Variants in NRG3 observed in about 807,000 individuals in gnomAD.
NRG3 encodes the protein neuregulin 3.
Under a neutral mutation model 66.9 loss-of-function variants are expected in NRG3, and 31 were observed. That is an observed-to-expected ratio of 0.46 (90% CI 0.35 to 0.63). NRG3 has a LOEUF of 0.63. Ranked by LOEUF, NRG3 falls within the 20% of genes least tolerant of loss-of-function variation. The pLI is 0.00. For synonymous variants in NRG3, 393 were observed against 359.4 expected (o/e 1.09, Z -1.06); for missense variants, 910 against 878.9 (o/e 1.04, Z -0.45).
At chr10:82,899,776 G>A (rs1186081702) in intron 4 of NRG3, among the ~76,000 whole-genome samples, 1 of 152,140 alleles carries the variant, frequency 6.6e-6, no homozygotes, top group Admixed American at 6.5e-5. Flanking sequence ...ATTTAAATCA[G>A]ACAAACTGGA....
At chr10:82,509,119 C>T (rs994965692) in intron 2 of NRG3, among the ~76,000 whole-genome samples, 1 of 152,068 alleles carries the variant, frequency 6.6e-6, no homozygotes, top group African/African-American at 2.4e-5. Context: ...TCTCCATATC[C>T]CCCAAACTCC....
chr10:82,969,983 C>CT (rs1465653267), intron 6 of NRG3, among the ~76,000 whole-genome samples: 1 of 152,034 alleles, frequency 6.6e-6, no homozygotes, highest in East Asian at 1.9e-4. Flanking sequence ...TATGCATACG[C>CT]TTTTGCGCCT....
intron 2 of NRG3, among the ~76,000 whole-genome samples, chr10:82,421,482 A>C (rs1410257859): frequency 1.3e-5 from 2 of 152,012 alleles, no homozygotes; most frequent in Non-Finnish European, 2.9e-5. Flanking sequence ...AAAATTATTA[A>C]AGACTTTGCA....
intron 1 of NRG3, among the ~76,000 whole-genome samples, chr10:82,206,924 A>G (rs1293758113): frequency 2.0e-5 from 3 of 152,178 alleles, no homozygotes; most frequent in East Asian, 1.9e-4. Context: ...TCTTACTTCT[A>G]TGGTACAGAC....
intron 1 of NRG3, among the ~76,000 whole-genome samples, chr10:82,048,567 A>T (rs4405254): frequency 0.63 from 92,499 of 146,932 alleles, 30,531 homozygotes; most frequent in South Asian, 0.87. Context: ...CGAAGACACA[A>T]CATACCAGAA....
intron 1 of NRG3, among the ~76,000 whole-genome samples, chr10:82,020,018 A>G (rs1316801255): frequency 6.6e-6 from 1 of 151,832 alleles, no homozygotes; most frequent in Non-Finnish European, 1.5e-5. Context: ...TAGTTCTTTT[A>G]ATTGTGATGT....
At chr10:82,510,861 A>G (rs1845104892) in intron 2 of NRG3, among the ~76,000 whole-genome samples, 1 of 152,166 alleles carries the variant, frequency 6.6e-6, no homozygotes, top group East Asian at 1.9e-4. Flanking sequence ...AAGAACAGAA[A>G]ATAAATAAAG....
chr10:81,911,763 A>T (rs1845193447), intron 1 of NRG3, among the ~76,000 whole-genome samples: 1 of 151,268 alleles, frequency 6.6e-6, no homozygotes, highest in South Asian at 2.1e-4. Context: ...CCCGAAACCA[A>T]CCACAACAGC....
chr10:82,559,315 G>C (rs2044867756), intron 2 of NRG3, among the ~76,000 whole-genome samples: 1 of 152,138 alleles, frequency 6.6e-6, no homozygotes. Context: ...GGGAAGGAAG[G>C]AGAAGTTGAG....
chr10:82,746,366 G>A lies in NRG3; in HGVS notation c.1027+7716G>A, dbSNP rs560148478. 1.4e-4 allele frequency among the ~76,000 whole-genome samples: 22 copies of A among 152,276 alleles called. No homozygotes were observed. In the South Asian group the frequency reaches 4.2e-3, roughly 29 times the overall value. On this transcript the variant is annotated intron_variant, in intron 3 of 8. Transcript: ENST00000372141. ...CCACTCTACCCACTCTACCCGGGAA[G>A]AGGATTGTTCTTCTGTCCTCCCAGG...
intron 2 of NRG3, among the ~76,000 whole-genome samples, chr10:82,559,644 C>T (rs1245598285): frequency 2.0e-5 from 3 of 152,194 alleles, no homozygotes; most frequent in African/African-American, 7.2e-5. Flanking sequence ...ATGTAGCTTC[C>T]TTCATATTTG....
chr10:82,721,486 G>T (rs562283169), intron 2 of NRG3, among the ~76,000 whole-genome samples: 1 of 151,686 alleles, frequency 6.6e-6, no homozygotes, highest in African/African-American at 2.4e-5. Context: ...GCAATGGCAC[G>T]ATCTTGGCTC....
chr10:82,349,343 C>T (rs1005905885), intron 1 of NRG3, among the ~76,000 whole-genome samples: 2 of 151,844 alleles, frequency 1.3e-5, no homozygotes, highest in South Asian at 2.1e-4. Flanking sequence ...GTCAGTGTGC[C>T]CCTGCTGGGG....
At chr10:82,408,554 T>C (rs1191207607) in intron 2 of NRG3, among the ~76,000 whole-genome samples, 1 of 151,386 alleles carries the variant, frequency 6.6e-6, no homozygotes, top group East Asian at 1.9e-4. Context: ...AAATCTATAC[T>C]CCAATTCTTG....
In NRG3 at chr10:82,710,160, C is replaced by T. The variant is rs1328868699; in HGVS notation, c.954-28417C>T. 2.6e-5 allele frequency among the ~76,000 whole-genome samples: 4 copies of T among 152,280 alleles called. No individual in the cohort carries two copies. The South Asian group carries it at 6.2e-4, about 24-fold the overall frequency. On this transcript the variant is annotated intron_variant, in intron 2 of 8. Transcript: ENST00000372141. ...GCACTTCTGCACAAGTATGCAAGTT[C>T]CTTTGTTGGACATATAGCAAGAAAT... is the stretch of plus-strand genomic sequence containing the variant.
intron 4 of NRG3, among the ~76,000 whole-genome samples, chr10:82,908,114 A>G (rs1844932658): frequency 1.3e-5 from 2 of 152,226 alleles, no homozygotes. Flanking sequence ...TCACATCACA[A>G]GAGACTTTCA....
At chr10:82,752,301 C>A (rs1360853) in intron 3 of NRG3, among the ~76,000 whole-genome samples, 13,180 of 151,906 alleles carry the variant, frequency 0.087, 1,778 homozygotes, top group African/African-American at 0.29. Flanking sequence ...TGTATTCTAC[C>A]CTTATCCCCC....
At chr10:82,723,291 C>A (rs1298631667) in intron 2 of NRG3, among the ~76,000 whole-genome samples, 1 of 152,002 alleles carries the variant, frequency 6.6e-6, no homozygotes, top group East Asian at 1.9e-4. Context: ...AAAATGGCAA[C>A]AATAGACACT....
chr10:81,935,166 A>G (rs1480861065), intron 1 of NRG3, among the ~76,000 whole-genome samples: 1 of 152,218 alleles, frequency 6.6e-6, no homozygotes, highest in Non-Finnish European at 1.5e-5. Context: ...AATTTTCCAG[A>G]TAAATATGGA....
Sources: allele counts gnomAD v4.1 joint callset (sites outside exome capture counted in the v4.1 genomes callset), GRCh38; gene constraint gnomAD v4.1.1; transcripts MANE v1.5; gene names NCBI Gene and HGNC (gene_info 2026-07-23, HGNC 2026-07-21).